FOXN3: variants seen among roughly 807,000 people sequenced by gnomAD.
FOXN3 encodes the protein forkhead box N3, also known as forkhead box protein N3.
In FOXN3, 7 loss-of-function variants were observed where a neutral mutation model predicts 38.4. The observed-to-expected ratio is 0.18, with a 90% CI of 0.10 to 0.34. FOXN3 has a LOEUF of 0.34. FOXN3 is among the 10% of genes least tolerant of loss of function. The pLI is 1.00. For synonymous variants in FOXN3, 230 were observed against 242.2 expected (o/e 0.95, Z 0.47); for missense variants, 456 against 613.4 (o/e 0.74, Z 2.71).
chr14:89,334,929 GC>G (rs1888399189), intron 3 of FOXN3, among the ~76,000 whole-genome samples: 1 of 151,862 alleles, frequency 6.6e-6, no homozygotes, highest in Non-Finnish European at 1.5e-5. Flanking sequence ...ACCACACCCA[GC>G]TAATTTTTGT....
At chr14:89,308,527 G>A (rs1473077840) in intron 3 of FOXN3, among the ~76,000 whole-genome samples, 2 of 152,182 alleles carry the variant, frequency 1.3e-5, no homozygotes, top group Non-Finnish European at 2.9e-5. Context: ...GATACCTGGT[G>A]AAGTTGCGGG....
chr14:89,178,173 A>AT (rs777561153), intron 5 of FOXN3, among the ~76,000 whole-genome samples: 3,272 of 133,000 alleles, frequency 0.025, 57 homozygotes, highest in East Asian at 0.08. Context: ...TGCCCAGGTC[A>AT]TTTTTTTTTT....
intron 1 of FOXN3, among the ~76,000 whole-genome samples, chr14:89,560,232 T>C (rs1447910645): frequency 6.6e-6 from 1 of 152,172 alleles, no homozygotes; most frequent in Non-Finnish European, 1.5e-5. Flanking sequence ...TTTGCCCCCA[T>C]GATCCAGTCA....
chr14:89,522,591 C>CA (rs1478482548), intron 1 of FOXN3, among the ~76,000 whole-genome samples: 5 of 151,824 alleles, frequency 3.3e-5, no homozygotes, highest in Non-Finnish European at 7.4e-5. Flanking sequence ...ACAACAATAG[C>CA]AAAAATGCCA....
At chr14:89,485,236 G>A (rs1219201878) in intron 1 of FOXN3, among the ~76,000 whole-genome samples, 1 of 151,724 alleles carries the variant, frequency 6.6e-6, no homozygotes, top group Non-Finnish European at 1.5e-5. Context: ...AGAGTGAGGG[G>A]TGGACAGGAT....
In FOXN3 at chr14:89,162,988, G is replaced by A; in HGVS notation, c.852-19C>T. The A allele has an allele frequency of 3.3e-6, 5 of 1,523,748 alleles. No individual in the cohort carries two copies. Among genetic ancestry groups the A allele is most frequent in the Non-Finnish European group, 4.4e-6 (5 of 1,135,274 alleles). The allele number at this position is 1,523,748 out of a possible 1,614,324, so 94.4% of individuals were successfully genotyped here. A position where few individuals can be genotyped will look rare whatever the true frequency, so the allele number is the denominator to read the frequency against. On this transcript the variant is annotated intron_variant, in intron 5 of 5. Coordinates refer to ENST00000557258, the MANE Select transcript of FOXN3 (RefSeq NM_005197.4). The surrounding 1 kb of genome is among the most constrained non-coding windows in gnomAD (Gnocchi z 7.2). ...GCCATTCCTGCAGAGCGAGGACAGTGGGGAGGGACGGGAGACAAAGAAGGG... is the reference window on the plus strand; with the variant it reads ...GCCATTCCTGCAGAGCGAGGACAGTAGGGAGGGACGGGAGACAAAGAAGGG...
intron 4 of FOXN3, among the ~76,000 whole-genome samples, chr14:89,250,586 T>C (rs1189464622): frequency 6.6e-6 from 1 of 152,180 alleles, no homozygotes; most frequent in Non-Finnish European, 1.5e-5. Flanking sequence ...AGGAAGCACA[T>C]CCTGAGAAGT....
intron 3 of FOXN3, among the ~76,000 whole-genome samples, chr14:89,281,307 C>T (rs543051668): frequency 2.8e-4 from 43 of 152,264 alleles, no homozygotes; most frequent in African/African-American, 1.0e-3. Context: ...AACGGCATAG[C>T]GTATAACTTA....
chr14:89,525,674 G>A (rs905617181), intron 1 of FOXN3, among the ~76,000 whole-genome samples: 2 of 149,442 alleles, frequency 1.3e-5, no homozygotes, highest in African/African-American at 4.9e-5. Context: ...GATAGTGTCA[G>A]TGGTGAATTC....
rs567080666 is a variant in FOXN3, at chr14:89,463,395, T to C, written c.-14-50905A>G. Among the ~76,000 whole-genome samples, 7 of 152,258 alleles carry C rather than the reference T, an allele frequency of 4.6e-5. No homozygotes were observed. In the East Asian group the frequency reaches 1.2e-3, roughly 25 times the overall value. On this transcript the variant is annotated intron_variant, in intron 1 of 6. Transcript: ENST00000345097. ...GGACCCAGCTTTCAATGTTACCTCA[T>C]TGGGGATTAAGTCTCCAATACATGA...
At chr14:89,346,790 A>G (rs1394111463) in intron 3 of FOXN3, among the ~76,000 whole-genome samples, 1 of 152,192 alleles carries the variant, frequency 6.6e-6, no homozygotes, top group Non-Finnish European at 1.5e-5. Flanking sequence ...AGCTACATCA[A>G]GCATTTGGAA....
chr14:89,308,610 G>A (rs1276388383), intron 3 of FOXN3, among the ~76,000 whole-genome samples: 1 of 152,192 alleles, frequency 6.6e-6, no homozygotes, highest in African/African-American at 2.4e-5. Context: ...ACTACGGGAA[G>A]AAGCAGAATC....
chr14:89,240,455 T>C (rs1885107131), intron 4 of FOXN3, among the ~76,000 whole-genome samples: 1 of 152,264 alleles, frequency 6.6e-6, no homozygotes, highest in Non-Finnish European at 1.5e-5. Flanking sequence ...GTTTGTATAA[T>C]GCCCACTACC....
intron 3 of FOXN3, among the ~76,000 whole-genome samples, chr14:89,325,505 A>T (rs1226637253): frequency 1.3e-5 from 2 of 151,826 alleles, no homozygotes; most frequent in African/African-American, 4.9e-5. Flanking sequence ...ATGCAAGAGT[A>T]AGAGGTGAAA....
intron 1 of FOXN3, among the ~76,000 whole-genome samples, chr14:89,487,376 G>T (rs934903563): frequency 6.6e-6 from 1 of 152,186 alleles, no homozygotes; most frequent in Non-Finnish European, 1.5e-5. Flanking sequence ...ATATTAATTA[G>T]ATCGGCGGTT....
chr14:89,279,553 C>G (rs1692499622), intron 4 of FOXN3, among the ~76,000 whole-genome samples: 1 of 152,138 alleles, frequency 6.6e-6, no homozygotes, highest in Non-Finnish European at 1.5e-5. Flanking sequence ...AACTTTGAAA[C>G]TCACTTGAAA....
At chr14:89,573,501 C>A (rs1282117208) in intron 1 of FOXN3, among the ~76,000 whole-genome samples, 1 of 152,152 alleles carries the variant, frequency 6.6e-6, no homozygotes, top group African/African-American at 2.4e-5. Flanking sequence ...AAATATATTG[C>A]AGGAAGCCAA....
At chr14:89,405,228 C>T (rs1891357960) in intron 2 of FOXN3, among the ~76,000 whole-genome samples, 1 of 152,090 alleles carries the variant, frequency 6.6e-6, no homozygotes, top group Non-Finnish European at 1.5e-5. Context: ...CCTCTGCCTC[C>T]CGGGTTCAAG....
intron 1 of FOXN3, among the ~76,000 whole-genome samples, chr14:89,511,219 C>CT (rs139255071): frequency 0.36 from 5,279 of 14,558 alleles, 1,817 homozygotes; most frequent in Non-Finnish European, 0.62. Context: ...TTCTTTCTTT[C>CT]TTTCTTTCTT....
Sources: gnomAD v4.1 joint callset for allele counts (sites outside exome capture counted in the v4.1 genomes callset) on GRCh38, gnomAD v4.1.1 for gene constraint, Gnocchi (gnomAD v3.1) non-coding constraint, MANE v1.5 for transcripts, NCBI Gene and HGNC (gene_info 2026-07-23, HGNC 2026-07-21) for gene names.